Variants in LUC7L2 observed in about 807,000 individuals in gnomAD.
LUC7L2 encodes the protein LUC7 like 2, pre-mRNA splicing factor.
LUC7L2 carries 25 observed loss-of-function variants against 52.8 expected under a neutral mutation model. The observed-to-expected ratio is 0.47, with a 90% CI of 0.34 to 0.66. The LOEUF is 0.66. LUC7L2 is among the 30% of genes least tolerant of loss of function. The pLI is 0.01. For synonymous variants in LUC7L2, 144 were observed against 160.9 expected, an observed-to-expected ratio of 0.89 and a Z score of 0.80; for missense variants, 328 against 497.8, an observed-to-expected ratio of 0.66 and a Z score of 3.25.
intron 3 of LUC7L2, among the ~76,000 whole-genome samples, chr7:139,399,899 TAA>T (rs1794830187): frequency 7.6e-6 from 1 of 131,240 alleles, no homozygotes; most frequent in African/African-American, 4.1e-5. Flanking sequence ...TGCATAAAAA[TAA>T]AGTTTTTTTG....
chr7:139,405,737 A>G lies in LUC7L2; in HGVS notation c.460A>G (p.Lys154Glu). Residue 154 changes from lysine to glutamate, a missense_variant, in exon 5 of 10, where the codon AAA (lysine) becomes GAA (glutamate). Physicochemically the swap from Lys to Glu is moderately conservative, Grantham distance 56. This residue lies in a region of LUC7L2 where 133 missense variants were observed against 274.4 expected (regional missense o/e 0.48). Transcript: ENST00000354926. The part of the protein sequence containing the change: ...GAEGNVEESQ[K>E]VMDEVEKARA... ...TGAAGGGAATGTGGAGGAATCCCAG[A>G]AAGTAATGGATGAAGTAGAGAAAGC... 1 of 1,613,510 alleles carries G rather than the reference A, an allele frequency of 6.2e-7. No homozygotes were observed. The highest frequency in any genetic ancestry group is 1.1e-5 in the South Asian group (1 of 90,816).
chr7:139,342,828 C>T (rs1183079155), intron 1 of LUC7L2, among the ~76,000 whole-genome samples: 1 of 152,144 alleles, frequency 6.6e-6, no homozygotes, highest in Non-Finnish European at 1.5e-5. Flanking sequence ...CATTATTACC[C>T]TTGAGAGAGA....
At chr7:139,406,655 G>A (rs1013201466) in intron 5 of LUC7L2, among the ~76,000 whole-genome samples, 9 of 151,858 alleles carry the variant, frequency 5.9e-5, no homozygotes, top group African/African-American at 2.2e-4. Context: ...GGCCTGGCCT[G>A]TTTTTTTGTT....
intron 1 of LUC7L2, among the ~76,000 whole-genome samples, chr7:139,344,295 C>G (rs998387211): frequency 6.6e-6 from 1 of 152,078 alleles, no homozygotes; most frequent in African/African-American, 2.4e-5. Context: ...ACCCCCCACC[C>G]CCACTCAGGA....
At chr7:139,377,692 C>T (rs1800788863) in intron 2 of LUC7L2, among the ~76,000 whole-genome samples, 1 of 151,784 alleles carries the variant, frequency 6.6e-6, no homozygotes, top group Non-Finnish European at 1.5e-5. Context: ...GTGCCCGGCC[C>T]TAATTTTTGT....
chr7:139,356,437 C>G (rs1563253004), upstream of LUC7L2, among the ~76,000 whole-genome samples: 1 of 151,498 alleles, frequency 6.6e-6, no homozygotes, highest in East Asian at 1.9e-4. Flanking sequence ...TGGGAGCGTT[C>G]CCCCAACTAG....
chr7:139,359,187 C>T (rs1799723259), upstream of LUC7L2: 1 of 152,298 alleles, frequency 6.6e-6, no homozygotes, highest in African/African-American at 2.4e-5. Context: ...GCGCCGCTGG[C>T]TCCCTGCTCC....
chr7:139,415,065 T>TG (rs1272901392), intron 8 of LUC7L2, among the ~76,000 whole-genome samples: 18 of 144,884 alleles, frequency 1.2e-4, no homozygotes, highest in African/African-American at 3.2e-4. Context: ...TTTTTTTTTT[T>TG]TTTTTTTTTT....
At chr7:139,366,669 G>A (rs556422760) in intron 1 of LUC7L2, among the ~76,000 whole-genome samples, 2 of 152,260 alleles carry the variant, frequency 1.3e-5, no homozygotes, top group South Asian at 2.1e-4. Context: ...CATATGGCCC[G>A]CAAACCGAAA....
chr7:139,349,683 T>C (rs1022395549), intron 1 of LUC7L2, among the ~76,000 whole-genome samples: 1 of 150,006 alleles, frequency 6.7e-6, no homozygotes, highest in Non-Finnish European at 1.5e-5. Context: ...TTCTAAAAAC[T>C]ACTCTGCCTC....
At chr7:139,411,499 CAG>C (rs1341888885) in intron 7 of LUC7L2, among the ~76,000 whole-genome samples, 2 of 152,104 alleles carry the variant, frequency 1.3e-5, no homozygotes, top group Non-Finnish European at 2.9e-5. Flanking sequence ...TTGCTAGTGA[CAG>C]AGTAAGCTGA....
chr7:139,372,171 AT>A (rs1340609233), intron 1 of LUC7L2, among the ~76,000 whole-genome samples: 1 of 152,180 alleles, frequency 6.6e-6, no homozygotes, highest in African/African-American at 2.4e-5. Context: ...AGAGATCTCC[AT>A]GTTTTTATAG....
intron 2 of LUC7L2, among the ~76,000 whole-genome samples, chr7:139,384,325 G>A (rs935023960): frequency 5.9e-5 from 9 of 151,708 alleles, no homozygotes; most frequent in African/African-American, 1.7e-4. Flanking sequence ...GAGTGCAGTG[G>A]CGTGATCGTG....
intron 1 of LUC7L2, chr7:139,375,847 C>A: frequency 4.4e-6 from 2 of 455,790 alleles, no homozygotes; most frequent in Non-Finnish European, 7.4e-6. Flanking sequence ...TGCTTTCTCA[C>A]TTTGACTATT....
At chr7:139,407,050 C>A in intron 5 of LUC7L2, 124 bp from the exon 6 acceptor site, 1 of 914,742 alleles carries the variant, frequency 1.1e-6, no homozygotes, top group Non-Finnish European at 1.4e-6. Flanking sequence ...CAGTGAGCCA[C>A]CGTGCCCAGC....
intron 1 of LUC7L2, among the ~76,000 whole-genome samples, chr7:139,370,130 A>G (rs1800368298): frequency 6.6e-6 from 1 of 152,258 alleles, no homozygotes; most frequent in Non-Finnish European, 1.5e-5. Flanking sequence ...TATTATGTTA[A>G]GACATGGTGA....
At chr7:139,368,297 C>G (rs551581296) in intron 1 of LUC7L2, among the ~76,000 whole-genome samples, 2 of 152,220 alleles carry the variant, frequency 1.3e-5, no homozygotes, top group East Asian at 3.9e-4. Flanking sequence ...AAGAATTACA[C>G]TTGAATGTTT....
intron 2 of LUC7L2, among the ~76,000 whole-genome samples, chr7:139,383,486 A>C (rs1195679115): frequency 2.0e-5 from 3 of 151,694 alleles, no homozygotes; most frequent in Non-Finnish European, 4.4e-5. Context: ...ATCTCGGCTC[A>C]CTTCAACCTC....
chr7:139,397,391 G>C (rs1212020345), intron 2 of LUC7L2, among the ~76,000 whole-genome samples: 1 of 152,162 alleles, frequency 6.6e-6, no homozygotes, highest in Non-Finnish European at 1.5e-5. Context: ...TTTGTTCATA[G>C]ACATGATTCT....
Sources: allele counts gnomAD v4.1 joint callset (sites outside exome capture counted in the v4.1 genomes callset), GRCh38; gene constraint gnomAD v4.1.1; regional missense constraint gnomAD v4.1.1; transcripts MANE v1.5; gene names NCBI Gene and HGNC (gene_info 2026-07-23, HGNC 2026-07-21).